MACROD2: variants seen among roughly 807,000 people sequenced by gnomAD.
MACROD2 encodes the protein ADP-ribose glycohydrolase MACROD2.
Under a neutral mutation model 70.4 loss-of-function variants are expected in MACROD2, and 36 were observed. The observed-to-expected ratio is 0.51, with a 90% CI of 0.39 to 0.68. MACROD2 has a LOEUF of 0.68. MACROD2 is among the 30% of genes least tolerant of loss of function. The probability of loss-of-function intolerance (pLI) is 0.00; values close to 1 mark genes in which losing one functional copy is unlikely to be tolerated. For synonymous variants in MACROD2, 172 were observed against 178.8 expected, an observed-to-expected ratio of 0.96 and a Z score of 0.30; for missense variants, 496 against 538.4, an observed-to-expected ratio of 0.92 and a Z score of 0.78.
At chr20:14,121,128 A>G (rs1391952919) in intron 3 of MACROD2, among the ~76,000 whole-genome samples, 1 of 152,178 alleles carries the variant, frequency 6.6e-6, no homozygotes, top group African/African-American at 2.4e-5. Context: ...TGAGACAAAA[A>G]TTGGAAGCAT....
At chr20:15,392,753 C>A (rs1428959720) in intron 6 of MACROD2, among the ~76,000 whole-genome samples, 1 of 151,966 alleles carries the variant, frequency 6.6e-6, no homozygotes, top group African/African-American at 2.4e-5. Context: ...TTATTTTCCT[C>A]CCTGTTTTTC....
intron 4 of MACROD2, among the ~76,000 whole-genome samples, chr20:14,672,904 A>T (rs547639935): frequency 6.6e-6 from 1 of 152,320 alleles, no homozygotes; most frequent in Admixed American, 6.5e-5. Flanking sequence ...CTTGAACTTC[A>T]TTCTTATCTT....
chr20:14,419,624 A>G (rs769004654), intron 3 of MACROD2, among the ~76,000 whole-genome samples: 12 of 152,174 alleles, frequency 7.9e-5, no homozygotes, highest in Non-Finnish European at 1.5e-4. Flanking sequence ...TTAAAAATGT[A>G]CTTCTATTTT....
intron 7 of MACROD2, among the ~76,000 whole-genome samples, chr20:15,488,427 G>C (rs936813238): frequency 1.4e-4 from 21 of 152,200 alleles, no homozygotes; most frequent in African/African-American, 4.8e-4. Flanking sequence ...AAGACAGACA[G>C]AGCTCTGTCT....
intron 6 of MACROD2, among the ~76,000 whole-genome samples, chr20:15,288,649 A>G (rs1218442406): frequency 6.6e-6 from 1 of 152,090 alleles, no homozygotes; most frequent in Non-Finnish European, 1.5e-5. Flanking sequence ...CTGTCCTTGC[A>G]CATTGGAACT....
chr20:15,345,697 A>T (rs544168051), intron 6 of MACROD2, among the ~76,000 whole-genome samples: 1 of 152,338 alleles, frequency 6.6e-6, no homozygotes, highest in Non-Finnish European at 1.5e-5. Flanking sequence ...AACTTTAATT[A>T]ATTGAAATGT....
At chr20:15,947,361 G>A (rs4813202) in intron 12 of MACROD2, among the ~76,000 whole-genome samples, 87,980 of 151,946 alleles carry the variant, frequency 0.58, 27,165 homozygotes, top group Non-Finnish European at 0.69. Context: ...AGGTCCCTGC[G>A]GCTTTCCACA....
intron 5 of MACROD2, among the ~76,000 whole-genome samples, chr20:15,204,778 G>T (rs1000777899): frequency 6.6e-6 from 1 of 151,990 alleles, no homozygotes; most frequent in Non-Finnish European, 1.5e-5. Flanking sequence ...GGAATTCCTG[G>T]TAGCATTTCT....
At chr20:14,303,334 A>G (rs889012360) in intron 3 of MACROD2, among the ~76,000 whole-genome samples, 37 of 152,270 alleles carry the variant, frequency 2.4e-4, no homozygotes, top group African/African-American at 8.2e-4. Context: ...GAGTCCTTGC[A>G]AGCATCCACC....
intron 6 of MACROD2, among the ~76,000 whole-genome samples, chr20:15,271,272 G>T (rs752341238): frequency 1.3e-5 from 2 of 152,148 alleles, no homozygotes; most frequent in African/African-American, 4.8e-5. Flanking sequence ...TCAAGTGGTA[G>T]AAAGGGTGAG....
At chr20:15,254,401 T>C (rs1454733963) in intron 6 of MACROD2, among the ~76,000 whole-genome samples, 1 of 152,148 alleles carries the variant, frequency 6.6e-6, no homozygotes, top group African/African-American at 2.4e-5. Context: ...AGTTTTTGTT[T>C]TTATCATTTG....
chr20:15,284,109 A>G (rs1600195532), intron 6 of MACROD2, among the ~76,000 whole-genome samples: 1 of 152,282 alleles, frequency 6.6e-6, no homozygotes, highest in South Asian at 2.1e-4. Context: ...GTTATTATTC[A>G]TTTTTAAATT....
intron 4 of MACROD2, among the ~76,000 whole-genome samples, chr20:14,662,130 A>G (rs1247684175): frequency 6.6e-6 from 1 of 152,080 alleles, no homozygotes; most frequent in Non-Finnish European, 1.5e-5. Context: ...CTAAAAAAAG[A>G]TGATAGAACT....
intron 3 of MACROD2, among the ~76,000 whole-genome samples, chr20:14,408,328 C>T (rs1043111710): frequency 6.6e-6 from 1 of 151,930 alleles, no homozygotes; most frequent in African/African-American, 2.4e-5. Flanking sequence ...CTTCATTGAC[C>T]CAGCAGTTTG....
chr20:15,071,289 A>T (rs747909330), intron 5 of MACROD2, among the ~76,000 whole-genome samples: 19 of 152,210 alleles, frequency 1.2e-4, no homozygotes, highest in Non-Finnish European at 2.5e-4. Flanking sequence ...TAAATCAGCG[A>T]GGAGTTTTCA....
intron 5 of MACROD2, among the ~76,000 whole-genome samples, chr20:14,876,120 G>A (rs563789503): frequency 6.6e-6 from 1 of 152,212 alleles, no homozygotes; most frequent in African/African-American, 2.4e-5. Flanking sequence ...TTTCTCCACA[G>A]CCTCACCAAC....
chr20:14,020,292 G>A (rs1173688844), intron 2 of MACROD2, among the ~76,000 whole-genome samples: 1 of 152,126 alleles, frequency 6.6e-6, no homozygotes, highest in Non-Finnish European at 1.5e-5. Flanking sequence ...GACCAATACG[G>A]AGAAACCCCG....
chr20:15,321,100 C>T (rs983534644), intron 6 of MACROD2, among the ~76,000 whole-genome samples: 1 of 103,836 alleles, frequency 9.6e-6, no homozygotes, highest in African/African-American at 3.0e-5. Context: ...AAAATGCATG[C>T]CATCCTGATG....
At chr20:15,616,072 G>GTC (rs1400698494) in intron 8 of MACROD2, among the ~76,000 whole-genome samples, 27 of 147,068 alleles carry the variant, frequency 1.8e-4, no homozygotes, top group African/African-American at 6.8e-4. Flanking sequence ...GGTGGAGTTT[G>GTC]TCTCTCACTC....
Sources: allele counts gnomAD v4.1 joint callset (sites outside exome capture counted in the v4.1 genomes callset), GRCh38; gene constraint gnomAD v4.1.1; transcripts MANE v1.5; gene names NCBI Gene and HGNC (gene_info 2026-07-23, HGNC 2026-07-21).